Variants in NCAM2 observed in about 807,000 individuals in gnomAD.
The protein encoded by NCAM2 is neural cell adhesion molecule 2, also known as N-CAM-2.
In NCAM2, 30 loss-of-function variants were observed where a neutral mutation model predicts 98.1. That is an observed-to-expected ratio of 0.31 (90% CI 0.23 to 0.41). NCAM2 has a LOEUF of 0.41. NCAM2 is among the 10% of genes least tolerant of loss of function. NCAM2 has a pLI of 1.00. For synonymous variants in NCAM2, 368 were observed against 342.4 expected, an observed-to-expected ratio of 1.07 and a Z score of -0.83; for missense variants, 867 against 1,005.8, an observed-to-expected ratio of 0.86 and a Z score of 1.87.
intron 1 of NCAM2, among the ~76,000 whole-genome samples, chr21:21,217,553 T>C (rs192555155): frequency 7.7e-4 from 118 of 152,294 alleles, no homozygotes; most frequent in South Asian, 2.9e-3. Context: ...TGAAAGTGGT[T>C]TCTCAAGATT....
chr21:20,998,691 G>A, intron 1 of NCAM2, 73 bp downstream of exon 1: 1 of 1,384,212 alleles, frequency 7.2e-7, no homozygotes, highest in Non-Finnish European at 1.0e-6. Flanking sequence ...AAAGAGGGAG[G>A]CGCAGGAAGA....
intron 1 of NCAM2, among the ~76,000 whole-genome samples, chr21:21,075,064 A>T (rs1365001025): frequency 6.6e-6 from 1 of 152,184 alleles, no homozygotes; most frequent in East Asian, 1.9e-4. Flanking sequence ...GGAAACCATC[A>T]TTCTCAGCAA....
intron 5 of NCAM2, 96 bp downstream of exon 5, chr21:21,292,337 C>A: frequency 2.5e-6 from 3 of 1,186,848 alleles, no homozygotes; most frequent in Non-Finnish European, 3.6e-6. Flanking sequence ...CAAGTCTTAT[C>A]TAATAAACCT....
intron 1 of NCAM2, among the ~76,000 whole-genome samples, chr21:21,214,798 T>G (rs950868272): frequency 6.9e-6 from 1 of 145,506 alleles, no homozygotes; most frequent in African/African-American, 2.5e-5. Flanking sequence ...TATATACATA[T>G]AGGTATATAT....
At chr21:21,420,358 T>C (rs891281665) in intron 11 of NCAM2, among the ~76,000 whole-genome samples, 12 of 152,004 alleles carry the variant, frequency 7.9e-5, no homozygotes, top group African/African-American at 2.9e-4. Flanking sequence ...AAATTTGCCA[T>C]TATGTTTTAC....
intron 1 of NCAM2, among the ~76,000 whole-genome samples, chr21:21,084,975 A>G (rs1250422517): frequency 6.6e-6 from 1 of 152,162 alleles, no homozygotes; most frequent in African/African-American, 2.4e-5. Context: ...TTTTACAGGA[A>G]CTAGAGAAAC....
intron 6 of NCAM2, among the ~76,000 whole-genome samples, chr21:21,332,449 G>T (rs1420204265): frequency 2.6e-5 from 4 of 152,014 alleles, no homozygotes; most frequent in Admixed American, 6.6e-5. Flanking sequence ...TGTGTTTTAG[G>T]ATATCTTTTT....
At chr21:21,488,594 A>C (rs1299110835) in intron 15 of NCAM2, among the ~76,000 whole-genome samples, 1 of 152,018 alleles carries the variant, frequency 6.6e-6, no homozygotes, top group Non-Finnish European at 1.5e-5. Flanking sequence ...CAATACAATA[A>C]TACAATATAT....
chr21:21,177,051 T>C (rs1421682772), intron 1 of NCAM2, among the ~76,000 whole-genome samples: 2 of 152,140 alleles, frequency 1.3e-5, no homozygotes, highest in Admixed American at 1.3e-4. Flanking sequence ...ATACTTAATT[T>C]ATTCTGTAAA....
chr21:21,283,948 A>G (rs2073013318), intron 2 of NCAM2, among the ~76,000 whole-genome samples: 1 of 151,942 alleles, frequency 6.6e-6, no homozygotes, highest in African/African-American at 2.4e-5. Context: ...ATACTGTACA[A>G]GAAGTTTGCT....
At chr21:21,350,670 T>C (rs1235500158) in intron 8 of NCAM2, among the ~76,000 whole-genome samples, 1 of 152,174 alleles carries the variant, frequency 6.6e-6, no homozygotes, top group East Asian at 1.9e-4. Context: ...TTTAAACTAA[T>C]GACTATTGTT....
At chr21:21,180,222 T>C (rs1278713741) in intron 1 of NCAM2, among the ~76,000 whole-genome samples, 1 of 152,184 alleles carries the variant, frequency 6.6e-6, no homozygotes, top group Non-Finnish European at 1.5e-5. Context: ...GTTACATTTT[T>C]CCAATAAAAC....
At chr21:21,217,274 TTACGTA>T (rs951282671) in intron 1 of NCAM2, among the ~76,000 whole-genome samples, 1 of 152,098 alleles carries the variant, frequency 6.6e-6, no homozygotes, top group Admixed American at 6.5e-5. Flanking sequence ...CTTAGGTAAA[TTACGTA>T]TAGTGGTCTA....
chr21:21,342,518 GCTAT>G (rs2075070817), intron 8 of NCAM2, among the ~76,000 whole-genome samples: 1 of 152,126 alleles, frequency 6.6e-6, no homozygotes. Flanking sequence ...CTCCAGTATG[GCTAT>G]CTAAGAGCAG....
chr21:21,012,028 T>C (rs1464757835), intron 1 of NCAM2, among the ~76,000 whole-genome samples: 1 of 152,082 alleles, frequency 6.6e-6, no homozygotes, highest in Non-Finnish European at 1.5e-5. Context: ...TTTTGGGGAA[T>C]AGAAATTAGT....
At chr21:21,421,262 G>C (rs143832928) in intron 11 of NCAM2, among the ~76,000 whole-genome samples, 2 of 151,916 alleles carry the variant, frequency 1.3e-5, no homozygotes, top group Non-Finnish European at 2.9e-5. Context: ...CTGCAATATT[G>C]TTCATTGAAA....
At chr21:21,080,826 G>T (rs74487992) in intron 1 of NCAM2, among the ~76,000 whole-genome samples, 3 of 152,040 alleles carry the variant, frequency 2.0e-5, no homozygotes, top group Non-Finnish European at 4.4e-5. Context: ...GCAAACCTCA[G>T]TTCTTGCCTC....
intron 9 of NCAM2, among the ~76,000 whole-genome samples, chr21:21,390,370 A>G (rs1205832571): frequency 6.6e-6 from 1 of 152,122 alleles, no homozygotes; most frequent in Non-Finnish European, 1.5e-5. Flanking sequence ...GAAAAGGATG[A>G]GAGGCCACTG....
chr21:21,297,031 A>G (rs1469875934), intron 5 of NCAM2, among the ~76,000 whole-genome samples: 2 of 151,844 alleles, frequency 1.3e-5, no homozygotes, highest in Non-Finnish European at 2.9e-5. Flanking sequence ...TGAAAGCTAA[A>G]AAAAAGTTAA....
Sources: gnomAD v4.1 joint callset for allele counts (sites outside exome capture counted in the v4.1 genomes callset) on GRCh38, gnomAD v4.1.1 for gene constraint, MANE v1.5 for transcripts, NCBI Gene and HGNC (gene_info 2026-07-23, HGNC 2026-07-21) for gene names.